The following TEKT2 variants were observed in gnomAD, a reference collection of about 807,000 sequenced individuals.
TEKT2 encodes the protein tektin 2.
In TEKT2, 45 loss-of-function variants were observed where a neutral mutation model predicts 49.8. The observed-to-expected ratio is 0.90, with a 90% CI of 0.71 to 1.16. TEKT2 has a LOEUF of 1.16. TEKT2 is among the 50% of genes most tolerant of loss of function. TEKT2 has a pLI of 0.00. For missense variants in TEKT2, 523 were observed against 551.4 expected, an observed-to-expected ratio of 0.95 and a Z score of 0.52; for synonymous variants, 202 against 224.6, an observed-to-expected ratio of 0.90 and a Z score of 0.90.
At chr1:36,085,507 C>CTTTTTTTTTTTTTTTTTTTTTTTTTTT (rs1159834731) in intron 3 of TEKT2, among the ~76,000 whole-genome samples, 6 of 82,560 alleles carry the variant, frequency 7.3e-5, no homozygotes, top group African/African-American at 2.3e-4. Context: ...TCTTTCTTTT[C>CTTTTTTTTTTTTTTTTTTTTTTTTTTT]TTTTTTTTTT....
At chr1:36,085,117 C>G (rs781083953) in intron 2 of TEKT2, 40 bp downstream of exon 2, 5 of 1,614,096 alleles carry the variant, frequency 3.1e-6, no homozygotes, top group Admixed American at 1.7e-5. Context: ...AAAGGGATAG[C>G]CCCCAACCCC....
At position 36,087,589 on chromosome 1, in the gene TEKT2, G is replaced by C; in HGVS notation, c.999+7G>C. ...GGAACTCTGCCGGGACCAGGTGAGAGGGTGTCCCAGTGGCGCACGGGCCCC... is the reference window on the plus strand; with the variant it reads ...GGAACTCTGCCGGGACCAGGTGAGACGGTGTCCCAGTGGCGCACGGGCCCC... On this transcript the variant is annotated splice_region_variant and intron_variant, in intron 8 of 9. Coordinates refer to ENST00000207457, the MANE Select transcript of TEKT2 (RefSeq NM_014466.3). The surrounding 1 kb of genome is among the most constrained non-coding windows in gnomAD (Gnocchi z 4.9). 6.2e-7 allele frequency: 1 copy of C among 1,613,730 alleles called. No homozygotes were observed. The highest frequency in any genetic ancestry group is 8.5e-7 in the Non-Finnish European group (1 of 1,180,036).
chr1:36,086,101 T>C, intron 4 of TEKT2, 60 bp downstream of exon 4: 2 of 1,518,372 alleles, frequency 1.3e-6, no homozygotes, highest in Non-Finnish European at 1.8e-6. Flanking sequence ...GTGCCTTCAA[T>C]GTGGAACACA....
chr1:36,086,285 G>A (rs372793918), intron 4 of TEKT2, among the ~76,000 whole-genome samples: 3 of 152,260 alleles, frequency 2.0e-5, no homozygotes, highest in African/African-American at 7.2e-5. Context: ...AGCATGAGAG[G>A]TGACACCCAT....
chr1:36,086,511 T>A (rs1278359081), intron 4 of TEKT2, among the ~76,000 whole-genome samples, 193 bp from the exon 5 acceptor site: 2 of 151,294 alleles, frequency 1.3e-5, no homozygotes, highest in African/African-American at 2.4e-5. Context: ...ATTTTTATCC[T>A]ACGGTGTGTA....
Position 36,084,328 on chromosome 1 carries a change from G to C in TEKT2, c.-53+179G>C, listed in dbSNP as rs978837837. The C allele has an allele frequency of 1.8e-5, 3 of 163,150 alleles. No homozygotes were observed. The highest frequency in any genetic ancestry group is 1.2e-4 in the Admixed American group (2 of 17,342). 10.1% of individuals were successfully genotyped at this position (163,150 alleles called of 1,614,324 possible). A position where few individuals can be genotyped will look rare whatever the true frequency, so the allele number is the denominator to read the frequency against. On this transcript the variant is annotated intron_variant, in intron 1 of 9. Transcript: ENST00000207457. This position sits in a 1 kb window ranked among gnomAD's most constrained non-coding sequence, Gnocchi z 4.1. The stretch of plus-strand genomic sequence containing the variant: ...GGCCTTCCCCTCCAACAGTAGGCGA[G>C]GGCGGAGGGGCGGGAGGGCGTGGCG...
rs201244627 is a variant in TEKT2 at position 36,085,816 on chromosome 1, G to A, written c.283-20G>A. Reference sequence around the variant, plus strand: ...ATTACAGATGTGAGCCACCGTGCCCGGCCGCGCCCTCTTTTCTAGATGAAG... The same window carrying A: ...ATTACAGATGTGAGCCACCGTGCCCAGCCGCGCCCTCTTTTCTAGATGAAG... On this transcript the variant is annotated intron_variant, in intron 3 of 9. Transcript: ENST00000207457. The A allele has an allele frequency of 1.1e-4, 173 of 1,609,358 alleles. No individual in the cohort carries two copies. The highest frequency in any genetic ancestry group is 1.3e-4 in the Non-Finnish European group (155 of 1,177,924).
In TEKT2 at chr1:36,088,271, T is replaced by A; in HGVS notation, c.*85T>A. ...AAATGAATGGAATAAATGCAGAGGA[T>A]CTCAGGCCGGCTGTTCTCTGCCCCA... On this transcript the variant is annotated 3_prime_UTR_variant, in exon 10 of 10. Coordinates refer to ENST00000207457, the MANE Select transcript of TEKT2 (RefSeq NM_014466.3). The A allele has an allele frequency of 7.9e-7, 1 of 1,263,300 alleles. No homozygotes were observed. The highest frequency in any genetic ancestry group is 1.1e-6 in the Non-Finnish European group (1 of 894,466). 78.3% of individuals were successfully genotyped at this position (1,263,300 alleles called of 1,614,324 possible).
chr1:36,085,146 G>A lies in TEKT2; in HGVS notation c.157-17G>A, dbSNP rs1180225660. 1 of 1,614,224 alleles carries A rather than the reference G, an allele frequency of 6.2e-7. No individual in the cohort carries two copies. The highest frequency in any genetic ancestry group is 1.1e-5 in the South Asian group (1 of 91,088). ...CAACCCCTTGACACCCTCTCTATCT[G>A]GCTCTGTCTCTCTCAGACCATTTGG... On this transcript the variant is annotated splice_polypyrimidine_tract_variant and intron_variant, in intron 2 of 9. Coordinates refer to ENST00000207457, the MANE Select transcript of TEKT2 (RefSeq NM_014466.3).
At position 36,085,196 on chromosome 1, in the gene TEKT2, C is replaced by G; in HGVS notation, c.190C>G (p.Leu64Val). 6.2e-7 allele frequency: 1 copy of G among 1,614,236 alleles called. No homozygotes were observed. ...GGATGAACATGACAACAGGACTCGA[C>G]TGGTGGAGAGGATTGATACTGTCAA... ...IWDEHDNRTRLVERIDTVNRW... is the reference protein window; with the variant it reads ...IWDEHDNRTRVVERIDTVNRW... Residue 64 changes from leucine (L) to valine (V), a missense_variant, in exon 3 of 10, where the codon CTG becomes GTG. Transcript: ENST00000207457.
intron 4 of TEKT2, among the ~76,000 whole-genome samples, chr1:36,086,351 G>A (rs1022943898): frequency 4.6e-5 from 7 of 152,138 alleles, no homozygotes; most frequent in African/African-American, 1.2e-4. Context: ...CTTTGTGAGC[G>A]CAGCTACATC....
Sources: allele counts gnomAD v4.1 joint callset (sites outside exome capture counted in the v4.1 genomes callset), GRCh38; gene constraint gnomAD v4.1.1; non-coding constraint Gnocchi (gnomAD v3.1); transcripts MANE v1.5; gene names NCBI Gene and HGNC (gene_info 2026-07-23, HGNC 2026-07-21).